The following SLC25A31 variants were observed in gnomAD, a reference collection of about 807,000 sequenced individuals.
The protein encoded by SLC25A31 is solute carrier family 25 member 31.
In SLC25A31, 40 loss-of-function variants were observed where a neutral mutation model predicts 36.2. That is an observed-to-expected ratio of 1.10 (90% CI 0.86 to 1.44). The LOEUF is 1.44. SLC25A31 is among the 40% of genes most tolerant of loss of function. The pLI is 0.00. For synonymous variants in SLC25A31, 143 were observed against 149.7 expected (o/e 0.96, Z 0.32); for missense variants, 350 against 397.1 (o/e 0.88, Z 1.01).
chr4:127,747,622 C>G (rs146664315), intron 2 of SLC25A31, among the ~76,000 whole-genome samples: 1 of 152,180 alleles, frequency 6.6e-6, no homozygotes, highest in African/African-American at 2.4e-5. Flanking sequence ...ATAATAATAC[C>G]TATCTCGTAG....
At chr4:127,740,302 T>G (rs1262457804) in intron 1 of SLC25A31, among the ~76,000 whole-genome samples, 1 of 152,214 alleles carries the variant, frequency 6.6e-6, no homozygotes, top group Non-Finnish European at 1.5e-5. Flanking sequence ...GGGGTGTAAC[T>G]GTAGACAGTG....
chr4:127,769,444 G>A (rs57786091), intron 5 of SLC25A31, among the ~76,000 whole-genome samples: 58 of 152,276 alleles, frequency 3.8e-4, no homozygotes, highest in Middle Eastern at 3.4e-3. Context: ...ATGCTCAAGG[G>A]AAATGCCCAT....
Position 127,730,795 on chromosome 4 carries a change from G to C in SLC25A31, c.232+18G>C, listed in dbSNP as rs749452091. On this transcript the variant is annotated intron_variant, in intron 1 of 5. Transcript: ENST00000281154. ...CGAGCAGGGTGCGTCAAGGCAGGCCGCCCCGACAGCCTCTCCCGGCGCCCT... is the reference window on the plus strand; with the variant it reads ...CGAGCAGGGTGCGTCAAGGCAGGCCCCCCCGACAGCCTCTCCCGGCGCCCT... 1 of 1,591,258 alleles carries C rather than the reference G, an allele frequency of 6.3e-7. No individual in the cohort carries two copies. Among genetic ancestry groups the C allele is most frequent in the Non-Finnish European group, 8.6e-7 (1 of 1,164,888 alleles).
chr4:127,737,037 C>G (rs980793483), intron 1 of SLC25A31, among the ~76,000 whole-genome samples: 3 of 152,166 alleles, frequency 2.0e-5, no homozygotes, highest in Non-Finnish European at 2.9e-5. Context: ...AGGGGCTCCT[C>G]CTGTGTTATA....
chr4:127,735,873 T>TTA lies in SLC25A31; in HGVS notation c.232+5097_232+5098insAT, dbSNP rs1440340479. Among the ~76,000 whole-genome samples the TTA allele has an allele frequency of 8.2e-3, 600 of 73,552 alleles. 27 individuals are homozygous for TTA. The highest frequency in any genetic ancestry group is 0.077 in the East Asian group (186 of 2,414). The allele number at this position is 73,552 out of a possible 152,430, so 48.3% of individuals were successfully genotyped here. On this transcript the variant is annotated intron_variant, in intron 1 of 5. Coordinates refer to ENST00000281154, the MANE Select transcript of SLC25A31 (RefSeq NM_031291.4). ...ACATGCCTAACATTCTTTTATTTTA[T>TTA]TTATTTATTTATTTATTTATTTATT...
chr4:127,767,976 T>C (rs1264624948), intron 4 of SLC25A31, among the ~76,000 whole-genome samples: 1 of 150,936 alleles, frequency 6.6e-6, no homozygotes, highest in East Asian at 1.9e-4. Flanking sequence ...AAAAATAAAA[T>C]CCCCCCTTTG....
At chr4:127,760,348 A>G (rs1382382064) in intron 2 of SLC25A31, among the ~76,000 whole-genome samples, 1 of 152,220 alleles carries the variant, frequency 6.6e-6, no homozygotes, top group Non-Finnish European at 1.5e-5. Flanking sequence ...TCTTTGAGGT[A>G]ATTATTTTTA....
chr4:127,743,532 A>G (rs1044970242), intron 1 of SLC25A31, among the ~76,000 whole-genome samples: 1 of 152,182 alleles, frequency 6.6e-6, no homozygotes, highest in Non-Finnish European at 1.5e-5. Flanking sequence ...CATGATATAC[A>G]TGTAAATCCT....
intron 1 of SLC25A31, among the ~76,000 whole-genome samples, chr4:127,742,654 A>G (rs980254727): frequency 2.0e-5 from 3 of 152,176 alleles, no homozygotes; most frequent in African/African-American, 7.2e-5. Flanking sequence ...TTTTGGTAAC[A>G]CTAATTTTTA....
intron 2 of SLC25A31, among the ~76,000 whole-genome samples, chr4:127,757,394 TTC>T (rs1479881760): frequency 6.6e-6 from 1 of 152,206 alleles, no homozygotes; most frequent in Non-Finnish European, 1.5e-5. Flanking sequence ...GTATTTAATT[TTC>T]TGTTTCTGCA....
At chr4:127,759,936 G>A (rs528802591) in intron 2 of SLC25A31, among the ~76,000 whole-genome samples, 4 of 152,216 alleles carry the variant, frequency 2.6e-5, no homozygotes, top group Non-Finnish European at 4.4e-5. Flanking sequence ...TTTATATAAC[G>A]TTCTTGAGAT....
intron 2 of SLC25A31, among the ~76,000 whole-genome samples, chr4:127,750,891 A>G (rs187644164): frequency 4.6e-5 from 7 of 152,336 alleles, no homozygotes; most frequent in Admixed American, 1.3e-4. Context: ...GGCAATAGTA[A>G]GTCCATATTT....
chr4:127,766,156 T>A (rs34012640), intron 3 of SLC25A31, among the ~76,000 whole-genome samples: 2,146 of 151,532 alleles, frequency 0.014, 68 homozygotes, highest in African/African-American at 0.048. Flanking sequence ...TTATTTGTTT[T>A]TTTTTTTGTT....
At chr4:127,749,814 T>C (rs1731895049) in intron 2 of SLC25A31, among the ~76,000 whole-genome samples, 1 of 152,012 alleles carries the variant, frequency 6.6e-6, no homozygotes, top group African/African-American at 2.4e-5. Context: ...GGTGGGATGA[T>C]TGCTTGAAGC....
intron 3 of SLC25A31, among the ~76,000 whole-genome samples, chr4:127,764,715 T>C (rs1732207429): frequency 6.6e-6 from 1 of 152,228 alleles, no homozygotes; most frequent in African/African-American, 2.4e-5. Flanking sequence ...GGGAGTCCCT[T>C]TGCCTCTATC....
intron 2 of SLC25A31, among the ~76,000 whole-genome samples, chr4:127,754,354 T>C (rs180898864): frequency 6.6e-6 from 1 of 152,276 alleles, no homozygotes; most frequent in East Asian, 1.9e-4. Flanking sequence ...ATATTGTCTC[T>C]GTTGTCAGGT....
intron 2 of SLC25A31, among the ~76,000 whole-genome samples, chr4:127,750,219 G>A (rs374836851): frequency 7.6e-6 from 1 of 132,418 alleles, no homozygotes; most frequent in Non-Finnish European, 1.6e-5. Context: ...TAAATAACAT[G>A]AAAACATATG....
chr4:127,742,428 C>G (rs576536131), intron 1 of SLC25A31, among the ~76,000 whole-genome samples: 3 of 152,296 alleles, frequency 2.0e-5, no homozygotes, highest in East Asian at 1.9e-4. Flanking sequence ...AGTCCTTCTT[C>G]TTATTCCTCC....
rs779482422 is a variant in SLC25A31, at chr4:127,730,762, A to G, written c.217A>G (p.Ile73Val). Residue 73 changes from isoleucine (I) to valine (V), a missense_variant, in exon 1 of 6, where the codon ATT (isoleucine) becomes GTT (valine). Coordinates refer to ENST00000281154, the MANE Select transcript of SLC25A31 (RefSeq NM_031291.4). The part of the protein sequence containing the change: ...YKGMVDCLVR[I>V]PREQGFFSFW... ...AGGCATGGTGGACTGCCTGGTGCGG[A>G]TTCCTCGCGAGCAGGGTGCGTCAAG... 1.4e-5 allele frequency: 22 copies of G among 1,610,932 alleles called. No homozygotes were observed. The highest frequency in any genetic ancestry group is 1.9e-5 in the Non-Finnish European group (22 of 1,177,906).
Sources: allele counts gnomAD v4.1 joint callset (sites outside exome capture counted in the v4.1 genomes callset), GRCh38; gene constraint gnomAD v4.1.1; transcripts MANE v1.5; gene names NCBI Gene and HGNC (gene_info 2026-07-23, HGNC 2026-07-21).